Variants in TEAD1 observed in about 807,000 individuals in gnomAD.
TEAD1 encodes the protein transcriptional enhancer factor TEF-1.
Under a neutral mutation model 54.9 loss-of-function variants are expected in TEAD1, and 9 were observed. That is an observed-to-expected ratio of 0.16 (90% CI 0.10 to 0.29). The LOEUF (loss-of-function observed/expected upper bound fraction) is 0.29. TEAD1 is among the 10% of genes least tolerant of loss of function. The pLI is 1.00. For missense variants in TEAD1, 387 were observed against 535.9 expected, an observed-to-expected ratio of 0.72 and a Z score of 2.74; for synonymous variants, 200 against 187.8, an observed-to-expected ratio of 1.07 and a Z score of -0.53.
At chr11:12,867,090 G>T (rs928365316) in intron 5 of TEAD1, among the ~76,000 whole-genome samples, 4 of 152,212 alleles carry the variant, frequency 2.6e-5, no homozygotes, top group Admixed American at 6.5e-5. Context: ...TGATACTGAG[G>T]AAACTGGGGC....
chr11:12,802,570 G>A (rs1305553697), intron 3 of TEAD1, among the ~76,000 whole-genome samples: 2 of 152,178 alleles, frequency 1.3e-5, no homozygotes, highest in African/African-American at 4.8e-5. Flanking sequence ...TGGTGGAGGG[G>A]CCTTGCTTCC....
chr11:12,853,920 G>A (rs1206426651), intron 3 of TEAD1, among the ~76,000 whole-genome samples: 1 of 152,178 alleles, frequency 6.6e-6, no homozygotes, highest in Non-Finnish European at 1.5e-5. Context: ...GCCTTTCTCT[G>A]TATGTTCTTT....
intron 3 of TEAD1, among the ~76,000 whole-genome samples, chr11:12,856,512 A>C (rs1947383835): frequency 6.6e-6 from 1 of 152,166 alleles, no homozygotes; most frequent in Non-Finnish European, 1.5e-5. Flanking sequence ...AGTACAGGCC[A>C]TGACAGCAGT....
intron 9 of TEAD1, among the ~76,000 whole-genome samples, chr11:12,898,734 A>C (rs760874646): frequency 1.3e-5 from 2 of 152,148 alleles, no homozygotes; most frequent in Non-Finnish European, 2.9e-5. Context: ...TATGCCAAGC[A>C]CCTTCTGAGC....
At chr11:12,830,632 C>T (rs752647935) in intron 3 of TEAD1, among the ~76,000 whole-genome samples, 26 of 152,040 alleles carry the variant, frequency 1.7e-4, no homozygotes, top group Non-Finnish European at 3.4e-4. Context: ...AGAACGTGCT[C>T]ATCCTTTAAA....
At chr11:12,762,999 G>A (rs572393011) in intron 2 of TEAD1, among the ~76,000 whole-genome samples, 1 of 152,280 alleles carries the variant, frequency 6.6e-6, no homozygotes, top group Non-Finnish European at 1.5e-5. Context: ...TCAGGCCCTT[G>A]GCCTCCTCTT....
At chr11:12,736,269 C>T (rs1944529148) in intron 2 of TEAD1, among the ~76,000 whole-genome samples, 1 of 152,142 alleles carries the variant, frequency 6.6e-6, no homozygotes, top group African/African-American at 2.4e-5. Context: ...CCTTTTAAGA[C>T]CAAAGGCTTT....
At chr11:12,689,011 CT>C (rs139434802) in intron 2 of TEAD1, among the ~76,000 whole-genome samples, 4,843 of 149,510 alleles carry the variant, frequency 0.032, 276 homozygotes, top group African/African-American at 0.12. Flanking sequence ...TGTTGTTTTT[CT>C]GTTTTTTTTT....
chr11:12,869,487 T>C (rs1947694721), intron 5 of TEAD1, among the ~76,000 whole-genome samples: 1 of 152,198 alleles, frequency 6.6e-6, no homozygotes, highest in Non-Finnish European at 1.5e-5. Flanking sequence ...TGCCAGAACT[T>C]TTCAGAAAGA....
At chr11:12,935,489 T>G (rs1949083457) in intron 12 of TEAD1, among the ~76,000 whole-genome samples, 1 of 151,596 alleles carries the variant, frequency 6.6e-6, no homozygotes, top group Admixed American at 6.6e-5. Context: ...AGGTAGAGTC[T>G]TGCTCTGTTG....
chr11:12,878,791 A>G, intron 5 of TEAD1: 1 of 681,814 alleles, frequency 1.5e-6, no homozygotes, highest in Non-Finnish European at 2.1e-6. Flanking sequence ...ATACATATGT[A>G]TATATACACA....
At chr11:12,919,488 A>T (rs745844450) in intron 10 of TEAD1, among the ~76,000 whole-genome samples, 3 of 152,024 alleles carry the variant, frequency 2.0e-5, no homozygotes, top group Non-Finnish European at 2.9e-5. Context: ...TTAGTGTTGA[A>T]TTTTTTTAAT....
intron 3 of TEAD1, among the ~76,000 whole-genome samples, chr11:12,816,181 C>T (rs758936787): frequency 6.6e-6 from 1 of 152,200 alleles, no homozygotes; most frequent in Non-Finnish European, 1.5e-5. Flanking sequence ...TTTTATCAAT[C>T]CGATACTGTT....
Position 12,692,034 on chromosome 11 carries a change from C to A in TEAD1, c.-55+16473C>A, listed in dbSNP as rs904039453. On this transcript the variant is annotated intron_variant, in intron 2 of 12. Coordinates refer to ENST00000527636, the MANE Select transcript of TEAD1 (RefSeq NM_021961.6). ...TTTAGATAGATTTATGCATTGGATC[C>A]CTAGTTGTAACATAGCTATTGTTTT... 3.9e-5 allele frequency among the ~76,000 whole-genome samples: 6 copies of A among 152,092 alleles called. No individual in the cohort carries two copies. In the East Asian group the frequency reaches 1.2e-3, roughly 29 times the overall value.
chr11:12,844,977 T>TTTTTTTG (rs1947111893), intron 3 of TEAD1, among the ~76,000 whole-genome samples: 1 of 142,684 alleles, frequency 7.0e-6, no homozygotes, highest in Non-Finnish European at 1.5e-5. Context: ...TTTTTTTTTT[T>TTTTTTTG]TTTTTTGGAG....
At chr11:12,715,366 G>C in intron 2 of TEAD1, among the ~76,000 whole-genome samples, 1 of 152,158 alleles carries the variant, frequency 6.6e-6, no homozygotes, top group Middle Eastern at 3.2e-3. Context: ...TGAGGGATCT[G>C]AGAAACAGAT....
At chr11:12,877,342 A>G (rs1947871669) in intron 5 of TEAD1, among the ~76,000 whole-genome samples, 3 of 152,210 alleles carry the variant, frequency 2.0e-5, no homozygotes, top group Non-Finnish European at 4.4e-5. Flanking sequence ...TCACAGCCAG[A>G]GTAATATATA....
At chr11:12,692,101 G>A (rs1943469763) in intron 2 of TEAD1, among the ~76,000 whole-genome samples, 1 of 152,156 alleles carries the variant, frequency 6.6e-6, no homozygotes, top group Admixed American at 6.5e-5. Context: ...AGTCTAAGAT[G>A]AGTGTTTTTT....
chr11:12,695,574 G>T (rs1241163341), intron 2 of TEAD1, among the ~76,000 whole-genome samples: 1 of 152,138 alleles, frequency 6.6e-6, no homozygotes, highest in Non-Finnish European at 1.5e-5. Flanking sequence ...AATGTAAATG[G>T]ATTTGTAAGC....
Sources: gnomAD v4.1 joint callset for allele counts (sites outside exome capture counted in the v4.1 genomes callset) on GRCh38, gnomAD v4.1.1 for gene constraint, MANE v1.5 for transcripts, NCBI Gene and HGNC (gene_info 2026-07-23, HGNC 2026-07-21) for gene names.